The following PEPD variants were observed in gnomAD, a reference collection of about 807,000 sequenced individuals.
PEPD encodes the protein xaa-Pro dipeptidase.
PEPD carries 53 observed loss-of-function variants against 60.7 expected under a neutral mutation model. That is an observed-to-expected ratio of 0.87 (90% CI 0.70 to 1.10). PEPD has a LOEUF of 1.10. PEPD is among the 50% of genes least tolerant of loss of function. The pLI, the probability that PEPD is intolerant of heterozygous loss-of-function variation, is 0.00. For synonymous variants in PEPD, 267 were observed against 284.1 expected (o/e 0.94, Z 0.60); for missense variants, 711 against 711.9 (o/e 1.00, Z 0.01).
intron 9 of PEPD, among the ~76,000 whole-genome samples, chr19:33,428,147 ACT>A (rs1403217201): frequency 6.6e-6 from 1 of 152,144 alleles, no homozygotes; most frequent in Non-Finnish European, 1.5e-5. Flanking sequence ...GCCTGCACAC[ACT>A]CTGAAGCATC....
chr19:33,447,212 T>A (rs1183272744), intron 9 of PEPD, among the ~76,000 whole-genome samples: 1 of 152,160 alleles, frequency 6.6e-6, no homozygotes, highest in Non-Finnish European at 1.5e-5. Context: ...CTGTCACAGG[T>A]GCATCCACAA....
At chr19:33,478,000 G>A (rs1238684631) in intron 7 of PEPD, 46 bp downstream of exon 7, 1 of 1,387,730 alleles carries the variant, frequency 7.2e-7, no homozygotes, top group East Asian at 2.3e-5. Context: ...CCATCCCCAT[G>A]AGCCGAGCAC....
intron 6 of PEPD, among the ~76,000 whole-genome samples, chr19:33,489,595 C>T (rs1159347095): frequency 6.6e-6 from 1 of 151,860 alleles, no homozygotes; most frequent in African/African-American, 2.4e-5. Flanking sequence ...GGCCATTGCA[C>T]TCCAGCCTGG....
intron 7 of PEPD, among the ~76,000 whole-genome samples, chr19:33,473,564 C>T (rs1390704300): frequency 1.3e-5 from 2 of 152,202 alleles, no homozygotes. Context: ...CCCAAGAAGG[C>T]ACACGGCAAT....
intron 6 of PEPD, among the ~76,000 whole-genome samples, chr19:33,488,504 C>T (rs977248343): frequency 6.6e-6 from 1 of 152,122 alleles, no homozygotes; most frequent in Non-Finnish European, 1.5e-5. Flanking sequence ...GGACAGGCAG[C>T]AGCTGGCTGT....
intron 1 of PEPD, among the ~76,000 whole-genome samples, chr19:33,518,248 C>A (rs1568515654): frequency 6.6e-6 from 1 of 152,180 alleles, no homozygotes; most frequent in Non-Finnish European, 1.5e-5. Flanking sequence ...AACCAAGAGA[C>A]AGCTGTGTGG....
At chr19:33,404,613 G>A (rs1968576747) in intron 11 of PEPD, among the ~76,000 whole-genome samples, 1 of 152,202 alleles carries the variant, frequency 6.6e-6, no homozygotes, top group South Asian at 2.1e-4. Context: ...CCATGGGATG[G>A]TGGGTGCCTG....
At chr19:33,448,278 C>T (rs1346989683) in intron 9 of PEPD, among the ~76,000 whole-genome samples, 1 of 152,212 alleles carries the variant, frequency 6.6e-6, no homozygotes, top group East Asian at 1.9e-4. Flanking sequence ...TGCGGGGCTG[C>T]TCCTCACTAG....
chr19:33,502,309 G>A (rs1970727377), intron 3 of PEPD, among the ~76,000 whole-genome samples: 1 of 152,160 alleles, frequency 6.6e-6, no homozygotes, highest in Non-Finnish European at 1.5e-5. Context: ...ACCAGGTGCT[G>A]GGTCCCAAAT....
At chr19:33,439,647 G>A (rs573107639) in intron 9 of PEPD, among the ~76,000 whole-genome samples, 51 of 152,292 alleles carry the variant, frequency 3.3e-4, no homozygotes, top group African/African-American at 1.2e-3. Flanking sequence ...GGAAGGATCC[G>A]GCTGAGGGAT....
chr19:33,512,141 C>G (rs1195285453), intron 2 of PEPD, among the ~76,000 whole-genome samples: 6 of 152,138 alleles, frequency 3.9e-5, no homozygotes, highest in Admixed American at 2.6e-4. Context: ...GGCATGGCAG[C>G]GGGGAGAAAA....
At chr19:33,504,584 T>C (rs1484302230) in intron 3 of PEPD, among the ~76,000 whole-genome samples, 2 of 151,988 alleles carry the variant, frequency 1.3e-5, no homozygotes, top group Non-Finnish European at 2.9e-5. Context: ...GCCAACATGG[T>C]AAAACCCTAT....
At chr19:33,403,699 C>A (rs565469324) in intron 11 of PEPD, among the ~76,000 whole-genome samples, 1 of 152,188 alleles carries the variant, frequency 6.6e-6, no homozygotes, top group Non-Finnish European at 1.5e-5. Flanking sequence ...CTTGAATGCA[C>A]GGCCAGGACG....
chr19:33,498,895 C>T (rs1970658546), intron 4 of PEPD, among the ~76,000 whole-genome samples: 1 of 152,198 alleles, frequency 6.6e-6, no homozygotes, highest in Non-Finnish European at 1.5e-5. Flanking sequence ...CCCATCCCGC[C>T]AGGGTCCTTG....
intron 3 of PEPD, among the ~76,000 whole-genome samples, chr19:33,507,966 C>T (rs74867434): frequency 0.031 from 4,660 of 152,120 alleles, 152 homozygotes; most frequent in South Asian, 0.074. Flanking sequence ...GATGCCCCCT[C>T]GGGACCAAGG....
intron 7 of PEPD, among the ~76,000 whole-genome samples, chr19:33,476,515 C>T (rs2145295065): frequency 6.6e-6 from 1 of 152,256 alleles, no homozygotes; most frequent in Middle Eastern, 3.4e-3. Context: ...GGAGCTTTCC[C>T]TCTTGACTGC....
At chr19:33,486,807 G>A (rs919748443) in intron 6 of PEPD, 1 of 152,360 alleles carries the variant, frequency 6.6e-6, no homozygotes, top group African/African-American at 2.4e-5. Flanking sequence ...TGGGTGGACA[G>A]GTGGGGACCA....
chr19:33,390,519 C>T (rs1262021956), intron 13 of PEPD, among the ~76,000 whole-genome samples: 2 of 152,250 alleles, frequency 1.3e-5, no homozygotes, highest in Non-Finnish European at 2.9e-5. Flanking sequence ...CTTGTCTTGG[C>T]TAACTGGCTG....
chr19:33,470,250 T>C (rs1970098357), intron 7 of PEPD, among the ~76,000 whole-genome samples: 1 of 152,110 alleles, frequency 6.6e-6, no homozygotes, highest in Non-Finnish European at 1.5e-5. Flanking sequence ...CCTGCCCTGA[T>C]AGCAGCTGGG....
Sources: gnomAD v4.1 joint callset for allele counts (sites outside exome capture counted in the v4.1 genomes callset) on GRCh38, gnomAD v4.1.1 for gene constraint, MANE v1.5 for transcripts, NCBI Gene and HGNC (gene_info 2026-07-23, HGNC 2026-07-21) for gene names.